Variants in BAZ1B observed in about 807,000 individuals in gnomAD.
The protein encoded by BAZ1B is bromodomain adjacent to zinc finger domain 1B, also known as tyrosine-protein kinase BAZ1B.
A neutral mutation model predicts 153.8 loss-of-function variants in BAZ1B; 22 were observed. That is an observed-to-expected ratio of 0.14 (90% CI 0.10 to 0.20). The LOEUF (loss-of-function observed/expected upper bound fraction) is 0.20. Among genes scored for constraint, BAZ1B ranks in the 10% least tolerant of loss-of-function variants. BAZ1B has a pLI of 1.00. For synonymous variants in BAZ1B, 676 were observed against 633.4 expected, an observed-to-expected ratio of 1.07 and a Z score of -1.01; for missense variants, 1,325 against 1,799.3, an observed-to-expected ratio of 0.74 and a Z score of 4.77.
intron 13 of BAZ1B, among the ~76,000 whole-genome samples, chr7:73,453,641 A>T (rs1470938205): frequency 6.6e-6 from 1 of 152,240 alleles, no homozygotes; most frequent in Non-Finnish European, 1.5e-5. Context: ...TTAACTGTTT[A>T]ATATCTTAGA....
At chr7:73,519,167 A>G (rs1442973267) in intron 1 of BAZ1B, among the ~76,000 whole-genome samples, 1 of 152,234 alleles carries the variant, frequency 6.6e-6, no homozygotes, top group African/African-American at 2.4e-5. Context: ...CTCCAAGAAC[A>G]TACCAACATA....
At chr7:73,449,802 A>G (rs1352341463) in intron 14 of BAZ1B, 113 bp from the exon 15 acceptor site, 3 of 1,170,072 alleles carry the variant, frequency 2.6e-6, no homozygotes, top group East Asian at 5.2e-5. Context: ...CATGTTCCAT[A>G]GAATGCTACC....
chr7:73,518,464 G>A (rs187600892), intron 1 of BAZ1B, among the ~76,000 whole-genome samples: 3 of 151,740 alleles, frequency 2.0e-5, no homozygotes, highest in Admixed American at 6.6e-5. Context: ...AAAAATCAAC[G>A]TAAGAGCTCA....
intron 13 of BAZ1B, among the ~76,000 whole-genome samples, chr7:73,454,320 A>G (rs1554569102): frequency 6.6e-6 from 1 of 152,160 alleles, no homozygotes; most frequent in African/African-American, 2.4e-5. Flanking sequence ...ATTTTTAAAA[A>G]TAAAAGAAAC....
chr7:73,515,594 A>G (rs1790766912), intron 1 of BAZ1B, among the ~76,000 whole-genome samples: 1 of 148,038 alleles, frequency 6.8e-6, no homozygotes, highest in Non-Finnish European at 1.5e-5. Context: ...CTGGAGTGCA[A>G]TAGCACCATC....
intron 5 of BAZ1B, among the ~76,000 whole-genome samples, chr7:73,490,865 A>G (rs1338774579): frequency 6.6e-6 from 1 of 151,294 alleles, no homozygotes; most frequent in African/African-American, 2.4e-5. Flanking sequence ...TCGGCCTCCC[A>G]AAGTGCTGGG....
rs782358803 is a variant in BAZ1B, at chr7:73,465,572, A to G, written c.2973-35T>C. The G allele has an allele frequency of 7.1e-6, 10 of 1,407,832 alleles. No homozygotes were observed. In the Admixed American group the frequency reaches 1.1e-4, roughly 15 times the overall value. 87.2% of individuals were successfully genotyped at this position (1,407,832 alleles called of 1,614,324 possible). On this transcript the variant is annotated intron_variant, in intron 10 of 19. Coordinates refer to ENST00000339594, the MANE Select transcript of BAZ1B (RefSeq NM_032408.4). ...CAAAAGAGACCTGATAACTCTGAAA[A>G]AAAAAAAAAAATTCAAAATCAAACA...
intron 13 of BAZ1B, 149 bp from the exon 14 acceptor site, chr7:73,451,143 C>A: frequency 9.1e-7 from 1 of 1,102,660 alleles, no homozygotes; most frequent in Non-Finnish European, 1.2e-6. Flanking sequence ...ATAAAAGGCT[C>A]CAAAGGGGGA....
intron 11 of BAZ1B, chr7:73,464,337 G>A (rs764446523): frequency 1.8e-4 from 30 of 164,574 alleles, no homozygotes; most frequent in Non-Finnish European, 3.5e-4. Flanking sequence ...AGACAGAACA[G>A]GGTTTTTTGA....
intron 3 of BAZ1B, among the ~76,000 whole-genome samples, chr7:73,507,643 TACA>T (rs1460494730): frequency 6.6e-6 from 1 of 152,182 alleles, no homozygotes; most frequent in East Asian, 1.9e-4. Context: ...GACAGACCAG[TACA>T]ACAAAGTGTT....
intron 18 of BAZ1B, 41 bp from the exon 19 acceptor site, chr7:73,442,594 CG>C: frequency 1.3e-6 from 2 of 1,567,134 alleles, no homozygotes; most frequent in South Asian, 2.3e-5. Context: ...ACAGCCTTGA[CG>C]GCAGTGCCCC....
intron 5 of BAZ1B, 103 bp downstream of exon 5, chr7:73,492,697 T>C: frequency 8.4e-7 from 1 of 1,187,270 alleles, no homozygotes; most frequent in Non-Finnish European, 1.2e-6. Flanking sequence ...CTGCTGTACA[T>C]TCATTTACAT....
Position 73,522,073 on chromosome 7 carries a change from G to A in BAZ1B, c.-140C>T. The A allele has an allele frequency of 1.9e-6, 1 of 524,964 alleles. No homozygotes were observed. The allele number at this position is 524,964 out of a possible 1,614,324, so 32.5% of individuals were successfully genotyped here. On this transcript the variant is annotated 5_prime_UTR_variant, in exon 1 of 20. Transcript: ENST00000339594. ...GGGTGAGAGGGCGGCGCGAACTCCG[G>A]CTCCCTCACCGCCGGCGCGGCCGCG...
chr7:73,449,477 AAGCTTAATTATAAC>A (rs1787954408), intron 15 of BAZ1B, 51 bp downstream of exon 15: 1 of 1,515,034 alleles, frequency 6.6e-7, no homozygotes. Context: ...TGAATAACTC[AAGCTTAATTATAAC>A]AGCTATTCAT....
rs1027565882 is a variant in BAZ1B at position 73,492,934 on chromosome 7, T to C, written c.572-13A>G. On this transcript the variant is annotated splice_polypyrimidine_tract_variant and intron_variant, in intron 4 of 19. Coordinates refer to ENST00000339594, the MANE Select transcript of BAZ1B (RefSeq NM_032408.4). ...CGTGCTCTGTCATCTAGTCAAATCA[T>C]AGAAAATTAGTGAAAAACGTAATTA... 5.1e-6 allele frequency: 8 copies of C among 1,575,028 alleles called. No homozygotes were observed. Among genetic ancestry groups the C allele is most frequent in the South Asian group, 2.4e-5 (2 of 84,392 alleles).
chr7:73,500,738 A>G (rs1251884211), intron 3 of BAZ1B, among the ~76,000 whole-genome samples: 2 of 151,704 alleles, frequency 1.3e-5, no homozygotes, highest in African/African-American at 2.4e-5. Flanking sequence ...TAAAAATACA[A>G]AAAGTAGCTG....
chr7:73,513,431 CA>C (rs1456262418), intron 1 of BAZ1B, among the ~76,000 whole-genome samples: 1 of 152,120 alleles, frequency 6.6e-6, no homozygotes, highest in African/African-American at 2.4e-5. Flanking sequence ...ATTTTCCTTA[CA>C]GGGGTGGTGC....
rs1554565734 is a variant in BAZ1B at position 73,444,058 on chromosome 7, C to A, written c.3916G>T (p.Gly1306Cys). 6.2e-7 allele frequency: 1 copy of A among 1,613,502 alleles called. No homozygotes were observed. The highest frequency in any genetic ancestry group is 2.2e-5 in the East Asian group (1 of 44,848). ...CTCCTGGTAGAGTGTGGCTTCTTAC[C>A]CGGGCGCCGGCCTGACCTTGCTGCA... ...PPAARSGRRP[G>C]KKPHSTRRSQ... The change falls in exon 17 of 20, where the codon GGT becomes TGT. Residue 1306 changes from glycine (G) to cysteine (C), a missense_variant. This residue lies in a region of BAZ1B where 271 missense variants were observed against 337.2 expected (regional missense o/e 0.80). Coordinates refer to ENST00000339594, the MANE Select transcript of BAZ1B (RefSeq NM_032408.4).
Position 73,501,255 on chromosome 7 carries a change from T to TCAAAA in BAZ1B, c.370-2562_370-2558dup, listed in dbSNP as rs782521481. Reference sequence around the variant, plus strand: ...TGGGTAACAAGAATGAAACTCCGCCTCAAAACAAAACAAAACAAAACAAAA... The same window carrying TCAAAA: ...TGGGTAACAAGAATGAAACTCCGCCTCAAAACAAAACAAAACAAAACAAAACAAAA... On this transcript the variant is annotated intron_variant, in intron 3 of 19. Coordinates refer to ENST00000339594, the MANE Select transcript of BAZ1B (RefSeq NM_032408.4). 8.5e-5 allele frequency among the ~76,000 whole-genome samples: 13 copies of TCAAAA among 152,156 alleles called. No homozygotes were observed. In the East Asian group the frequency reaches 9.6e-4, roughly 11 times the overall value.
Sources: gnomAD v4.1 joint callset for allele counts (sites outside exome capture counted in the v4.1 genomes callset) on GRCh38, gnomAD v4.1.1 for gene constraint, gnomAD v4.1.1 regional missense constraint, MANE v1.5 for transcripts, NCBI Gene and HGNC (gene_info 2026-07-23, HGNC 2026-07-21) for gene names.